Variants in RERG observed in about 807,000 individuals in gnomAD.
RERG encodes the protein ras-related and estrogen-regulated growth inhibitor.
In RERG, 25 loss-of-function variants were observed where a neutral mutation model predicts 23.2. That is an observed-to-expected ratio of 1.08 (90% CI 0.79 to 1.50). The LOEUF (loss-of-function observed/expected upper bound fraction) is 1.50. Ranked by LOEUF, RERG falls within the 40% of genes most tolerant of loss-of-function variation. RERG has a pLI of 0.00. For synonymous variants in RERG, 81 were observed against 89.1 expected (o/e 0.91, Z 0.51); for missense variants, 253 against 250.1 (o/e 1.01, Z -0.08).
chr12:15,211,972 G>A (rs560275934), intron 2 of RERG, among the ~76,000 whole-genome samples: 86 of 151,176 alleles, frequency 5.7e-4, no homozygotes, highest in Non-Finnish European at 1.1e-3. Flanking sequence ...ATGCACAGCC[G>A]AGGCTACTTC....
rs1863527354 is a variant in RERG at position 15,107,962 on chromosome 12, G to A, written c.*1148C>T. 1 of 152,480 alleles carries A rather than the reference G, an allele frequency of 6.6e-6. No individual in the cohort carries two copies. Among genetic ancestry groups the A allele is most frequent in the South Asian group, 2.1e-4 (1 of 4,832 alleles). The allele number at this position is 152,480 out of a possible 1,614,324, so 9.4% of individuals were successfully genotyped here. ...GATATATATTTTCTACTAAAATAAAGTACCCAAATCTTGATATATATAGGG... is the reference window on the plus strand; with the variant it reads ...GATATATATTTTCTACTAAAATAAAATACCCAAATCTTGATATATATAGGG... On this transcript the variant is annotated 3_prime_UTR_variant, in exon 5 of 5. Transcript: ENST00000256953.
At chr12:15,149,908 T>C (rs1305037998) in intron 2 of RERG, among the ~76,000 whole-genome samples, 1 of 152,260 alleles carries the variant, frequency 6.6e-6, no homozygotes, top group Non-Finnish European at 1.5e-5. Context: ...TAATCGATCA[T>C]GTCATACTTT....
At chr12:15,196,749 G>T (rs1865150121) in intron 2 of RERG, among the ~76,000 whole-genome samples, 2 of 152,080 alleles carry the variant, frequency 1.3e-5, no homozygotes, top group Admixed American at 1.3e-4. Flanking sequence ...CATTGAGGTA[G>T]GTATTTTGTA....
In RERG at chr12:15,140,822, C is replaced by G. The variant is rs890725542; in HGVS notation, c.62-19703G>C. On this transcript the variant is annotated intron_variant, in intron 2 of 4. Transcript: ENST00000256953. ...ATCTTCCCCCCATGCCAGCTGCTTT[C>G]AATATGTTTTTAGTCTTTGTTTTGT... Among the ~76,000 whole-genome samples the G allele has an allele frequency of 7.6e-4, 116 of 151,982 alleles. 1 individual carries two copies. The highest frequency in any genetic ancestry group is 2.7e-3 in the African/African-American group (111 of 41,392).
chr12:15,136,829 T>C (rs185359992), intron 2 of RERG, among the ~76,000 whole-genome samples: 62 of 152,150 alleles, frequency 4.1e-4, no homozygotes, highest in Non-Finnish European at 1.0e-4. Context: ...TGGTCTATCT[T>C]ATGAATGTTC....
chr12:15,212,042 CTTTTTTTTTTTT>C (rs772353150), intron 2 of RERG, among the ~76,000 whole-genome samples: 1,386 of 64,802 alleles, frequency 0.021, 50 homozygotes, highest in African/African-American at 0.075. Context: ...CACGAATAAA[CTTTTTTTTTTTT>C]TTTTTTTTTT....
At chr12:15,132,137 A>G (rs1864058895) in intron 2 of RERG, among the ~76,000 whole-genome samples, 1 of 152,196 alleles carries the variant, frequency 6.6e-6, no homozygotes, top group African/African-American at 2.4e-5. Flanking sequence ...CTGCTGTTTC[A>G]TTGCCAAGAT....
chr12:15,137,364 TA>T (rs1591642713), intron 2 of RERG, among the ~76,000 whole-genome samples: 1 of 151,972 alleles, frequency 6.6e-6, no homozygotes, highest in East Asian at 1.9e-4. Context: ...AGATCATTGA[TA>T]TTTAAAATGA....
intron 2 of RERG, among the ~76,000 whole-genome samples, chr12:15,143,665 C>T (rs1391629005): frequency 6.6e-6 from 1 of 152,122 alleles, no homozygotes; most frequent in Non-Finnish European, 1.5e-5. Context: ...AATCTCTTCC[C>T]TCAAGCTTCA....
chr12:15,187,901 A>G (rs1287841430), intron 2 of RERG, among the ~76,000 whole-genome samples: 1 of 152,054 alleles, frequency 6.6e-6, no homozygotes, highest in African/African-American at 2.4e-5. Context: ...TACAGACTTT[A>G]TTATAATTTT....
chr12:15,156,002 AT>A lies in RERG; in HGVS notation c.62-34884del, dbSNP rs575086849. Among the ~76,000 whole-genome samples the A allele has an allele frequency of 1.0e-3, 80 of 76,792 alleles. No homozygotes were observed. The South Asian group carries it at 0.017, about 17-fold the overall frequency. 50.4% of individuals were successfully genotyped at this position (76,792 alleles called of 152,430 possible). Reference sequence around the variant, plus strand: ...CTAAAACTTAAAGTATAATAAAAAAATATATATATATATTTATAAATATTGA... The same window carrying A: ...CTAAAACTTAAAGTATAATAAAAAAAATATATATATATTTATAAATATTGA... On this transcript the variant is annotated intron_variant, in intron 2 of 4. Transcript: ENST00000256953.
chr12:15,179,986 A>C (rs1014012390), intron 2 of RERG, among the ~76,000 whole-genome samples: 9 of 152,166 alleles, frequency 5.9e-5, no homozygotes, highest in African/African-American at 2.2e-4. Context: ...CAAGTTTAGA[A>C]GTTTTCAGAA....
chr12:15,155,727 G>A (rs184385360), intron 2 of RERG, among the ~76,000 whole-genome samples: 3 of 152,124 alleles, frequency 2.0e-5, no homozygotes, highest in Non-Finnish European at 4.4e-5. Context: ...GGCCCCCAGG[G>A]GACTCTGAAA....
At chr12:15,116,653 A>G (rs1270704873) in intron 3 of RERG, among the ~76,000 whole-genome samples, 2 of 152,028 alleles carry the variant, frequency 1.3e-5, no homozygotes, top group African/African-American at 4.8e-5. Context: ...CTCTCTCATT[A>G]GAAGCCCATT....
intron 3 of RERG, among the ~76,000 whole-genome samples, chr12:15,111,906 C>A (rs1337162014): frequency 1.3e-5 from 2 of 152,076 alleles, no homozygotes; most frequent in East Asian, 3.9e-4. Context: ...GAACTCCTGA[C>A]CTTAAGTGAT....
intron 4 of RERG, 114 bp from the exon 5 acceptor site, chr12:15,109,631 A>C: frequency 2.5e-6 from 2 of 807,696 alleles, no homozygotes; most frequent in Non-Finnish European, 3.9e-6. Flanking sequence ...AAAGTCATTA[A>C]AATGTCGTGG....
intron 2 of RERG, chr12:15,138,130 A>G (rs1864175682): frequency 1.3e-5 from 3 of 239,812 alleles, no homozygotes; most frequent in Admixed American, 5.1e-5. Context: ...AGAAGTTTGA[A>G]TATGATATAC....
At chr12:15,217,651 TAATA>T in intron 1 of RERG, 48 bp from the exon 2 acceptor site, 2 of 598,136 alleles carry the variant, frequency 3.3e-6, no homozygotes, top group Admixed American at 3.0e-5. Flanking sequence ...GAAAATGAAT[TAATA>T]TTTATTGAGC....
chr12:15,162,034 C>A (rs1280542042), intron 2 of RERG, among the ~76,000 whole-genome samples: 1 of 152,120 alleles, frequency 6.6e-6, no homozygotes, highest in African/African-American at 2.4e-5. Context: ...GTAACTTAGA[C>A]TAGTGGTAGG....
Sources: gnomAD v4.1 joint callset for allele counts (sites outside exome capture counted in the v4.1 genomes callset) on GRCh38, gnomAD v4.1.1 for gene constraint, MANE v1.5 for transcripts, NCBI Gene and HGNC (gene_info 2026-07-23, HGNC 2026-07-21) for gene names.